The following SMURF1 variants were observed in gnomAD, a reference collection of about 807,000 sequenced individuals.
The protein encoded by SMURF1 is E3 ubiquitin-protein ligase SMURF1.
A neutral mutation model predicts 98.0 loss-of-function variants in SMURF1; 44 were observed. The ratio of observed to expected loss-of-function variants is 0.45; its 90% CI spans 0.35 to 0.58. The LOEUF (loss-of-function observed/expected upper bound fraction) is 0.58, where lower values mean the gene tolerates loss of function less well. Among genes scored for constraint, SMURF1 ranks in the 20% least tolerant of loss-of-function variants. SMURF1 has a pLI of 0.00. For missense variants in SMURF1, 687 were observed against 938.4 expected, an observed-to-expected ratio of 0.73 and a Z score of 3.50; for synonymous variants, 396 against 374.9, an observed-to-expected ratio of 1.06 and a Z score of -0.65.
chr7:99,080,778 G>C (rs374618150), intron 1 of SMURF1, among the ~76,000 whole-genome samples: 3 of 152,146 alleles, frequency 2.0e-5, no homozygotes, highest in African/African-American at 7.2e-5. Flanking sequence ...AATTACAGGC[G>C]ATGGTAGATT....
chr7:99,063,213 A>G (rs1308120915), intron 1 of SMURF1, among the ~76,000 whole-genome samples: 1 of 112,884 alleles, frequency 8.9e-6, no homozygotes, highest in African/African-American at 4.0e-5. Flanking sequence ...TTATATAGTC[A>G]AGATATATAT....
At chr7:99,078,113 A>C (rs1028946896) in intron 1 of SMURF1, among the ~76,000 whole-genome samples, 5 of 152,036 alleles carry the variant, frequency 3.3e-5, no homozygotes, top group African/African-American at 9.7e-5. Context: ...AGCCTGGCCA[A>C]ATATGGTGAA....
intron 1 of SMURF1, among the ~76,000 whole-genome samples, chr7:99,136,816 G>A (rs527909353): frequency 1.3e-5 from 2 of 152,256 alleles, no homozygotes; most frequent in African/African-American, 4.8e-5. Context: ...CAGCCGTGGT[G>A]GCACATGCCT....
intron 1 of SMURF1, among the ~76,000 whole-genome samples, chr7:99,095,406 T>C (rs1319360286): frequency 6.6e-6 from 1 of 152,150 alleles, no homozygotes; most frequent in African/African-American, 2.4e-5. Flanking sequence ...TTAGTATCCA[T>C]TTTAGCAACA....
At chr7:99,051,207 C>T (rs1430250247) in intron 8 of SMURF1, 150 bp downstream of exon 8, 7 of 811,406 alleles carry the variant, frequency 8.6e-6, no homozygotes, top group Non-Finnish European at 1.4e-5. Flanking sequence ...CCCCCCACCC[C>T]AGCTTATCTG....
chr7:99,032,129 G>A (rs1794919330), intron 17 of SMURF1, among the ~76,000 whole-genome samples: 1 of 152,182 alleles, frequency 6.6e-6, no homozygotes, highest in Non-Finnish European at 1.5e-5. Context: ...CTTACCAACA[G>A]GTGTGTGTAC....
In SMURF1 at chr7:99,037,181, A is replaced by G. The variant is rs760484343; in HGVS notation, c.1695T>C (p.Tyr565=). ...TTCCTCTCATAAACCTCCAGTTTACATACAACCTGGAAGAAAAACTCGCAA... is the reference window on the plus strand; with the variant it reads ...TTCCTCTCATAAACCTCCAGTTTACGTACAACCTGGAAGAAAAACTCGCAA... ...EENKKEYVRL[Y]VNWRFMRGIE... is the part of the protein sequence containing the mutation. The change falls in exon 15 of 18, where the codon TAT becomes TAC. Residue 565 remains tyrosine, a synonymous_variant. Coordinates refer to ENST00000361368, the MANE Select transcript of SMURF1 (RefSeq NM_181349.3). 3.7e-5 allele frequency: 59 copies of G among 1,613,980 alleles called. No individual in the cohort carries two copies. The highest frequency in any genetic ancestry group is 4.7e-5 in the Non-Finnish European group (55 of 1,180,036).
intron 1 of SMURF1, among the ~76,000 whole-genome samples, chr7:99,106,905 C>T (rs1030425681): frequency 2.6e-5 from 4 of 152,136 alleles, no homozygotes; most frequent in African/African-American, 7.2e-5. Flanking sequence ...GGCACTACTG[C>T]GGTGAAGATG....
At chr7:99,032,957 A>G in intron 17 of SMURF1, 80 bp downstream of exon 17, 1 of 1,490,348 alleles carries the variant, frequency 6.7e-7, no homozygotes, top group Non-Finnish European at 9.2e-7. Flanking sequence ...ATCTCAAAAA[A>G]AAACAACAAA....
intron 7 of SMURF1, among the ~76,000 whole-genome samples, chr7:99,051,967 G>T (rs1216016009): frequency 6.6e-6 from 1 of 152,106 alleles, no homozygotes; most frequent in Non-Finnish European, 1.5e-5. Context: ...GGGCAACATG[G>T]CGAGACCCAT....
chr7:99,131,659 G>A lies in SMURF1; in HGVS notation c.55+12067C>T, dbSNP rs907824335. 1.1e-3 allele frequency among the ~76,000 whole-genome samples: 164 copies of A among 152,160 alleles called. 1 individual carries two copies. Among genetic ancestry groups the A allele is most frequent in the Admixed American group, 4.4e-3 (67 of 15,270 alleles). On this transcript the variant is annotated intron_variant, in intron 1 of 17. Transcript: ENST00000361368. ...TTGAGCCCAGGAGTTTGAGGCTGCA[G>A]TGGGCTATGACTGTGCCATTGTACT...
intron 5 of SMURF1, among the ~76,000 whole-genome samples, chr7:99,056,775 G>A (rs996534915): frequency 1.7e-4 from 26 of 152,232 alleles, no homozygotes; most frequent in Non-Finnish European, 2.2e-4. Context: ...GGCCAAGGCG[G>A]GCAGATCACT....
intron 1 of SMURF1, among the ~76,000 whole-genome samples, chr7:99,078,490 G>C (rs567674742): frequency 6.6e-6 from 1 of 152,178 alleles, no homozygotes; most frequent in South Asian, 2.1e-4. Flanking sequence ...CCTTAAAACA[G>C]GGGTCCTCAA....
intron 11 of SMURF1, among the ~76,000 whole-genome samples, chr7:99,044,867 G>T (rs747226513): frequency 6.6e-6 from 1 of 152,208 alleles, no homozygotes; most frequent in African/African-American, 2.4e-5. Context: ...CAAGCACAGC[G>T]GTTCACACCT....
In SMURF1 at chr7:99,040,727, G is replaced by A. The variant is rs1196098453; in HGVS notation, c.1372-171C>T. Among the ~76,000 whole-genome samples, 5 of 152,304 alleles carry A rather than the reference G, an allele frequency of 3.3e-5. No individual in the cohort carries two copies. In the East Asian group the frequency reaches 9.6e-4, roughly 29 times the overall value. ...CAAGTGAAAGAAGGCTGCTTGTGTA[G>A]CAGAAATTTGCCTAGATTCGCTGGA... is the stretch of plus-strand genomic sequence containing the variant. On this transcript the variant is annotated intron_variant, in intron 12 of 17. Coordinates refer to ENST00000361368, the MANE Select transcript of SMURF1 (RefSeq NM_181349.3).
chr7:99,060,393 A>G (rs561395077), intron 3 of SMURF1, among the ~76,000 whole-genome samples: 70 of 151,694 alleles, frequency 4.6e-4, no homozygotes, highest in African/African-American at 1.6e-3. Context: ...AAAAAAAAAA[A>G]AAAAGAAAAA....
rs1000414818 is a variant in SMURF1, at chr7:99,030,503, C to A, written c.*81G>T. 1 of 1,182,760 alleles carries A rather than the reference C, an allele frequency of 8.5e-7. No homozygotes were observed. The highest frequency in any genetic ancestry group is 1.3e-6 in the Non-Finnish European group (1 of 799,474). 73.3% of individuals were successfully genotyped at this position (1,182,760 alleles called of 1,614,324 possible). A position where few individuals can be genotyped will look rare whatever the true frequency, so the allele number is the denominator to read the frequency against. On this transcript the variant is annotated 3_prime_UTR_variant, in exon 18 of 18. Coordinates refer to ENST00000361368, the MANE Select transcript of SMURF1 (RefSeq NM_181349.3). ...TGATCTGGAATTCCAGGGCCTCTGC[C>A]AGCTTTGCAGGAGGTGCACAGAAGC...
At chr7:99,059,397 C>CAAAAAAA (rs1194308241) in intron 3 of SMURF1, among the ~76,000 whole-genome samples, 1 of 57,090 alleles carries the variant, frequency 1.8e-5, no homozygotes, top group African/African-American at 7.2e-5. Flanking sequence ...GACTCCATCT[C>CAAAAAAA]AAAAAAAAAT....
chr7:99,030,733 C>T, intron 17 of SMURF1, 50 bp from the exon 18 acceptor site: 1 of 1,497,624 alleles, frequency 6.7e-7, no homozygotes, highest in East Asian at 2.3e-5. Flanking sequence ...AGCCCTAGGA[C>T]CAACCTCAAG....
Sources: allele counts gnomAD v4.1 joint callset (sites outside exome capture counted in the v4.1 genomes callset), GRCh38; gene constraint gnomAD v4.1.1; transcripts MANE v1.5; gene names NCBI Gene and HGNC (gene_info 2026-07-23, HGNC 2026-07-21).